The following MACROD2 variants were observed in gnomAD, a reference collection of about 807,000 sequenced individuals.
MACROD2 encodes ADP-ribose glycohydrolase MACROD2.
A neutral mutation model predicts 70.4 loss-of-function variants in MACROD2; 36 were observed. That is an observed-to-expected ratio of 0.51 (90% CI 0.39 to 0.68). The LOEUF (loss-of-function observed/expected upper bound fraction) is 0.68. Ranked by LOEUF, MACROD2 falls within the 30% of genes least tolerant of loss-of-function variation. MACROD2 has a pLI of 0.00. For synonymous variants in MACROD2, 172 were observed against 178.8 expected (o/e 0.96, Z 0.30); for missense variants, 496 against 538.4 (o/e 0.92, Z 0.78).
intron 3 of MACROD2, among the ~76,000 whole-genome samples, chr20:14,481,108 T>C (rs1437664815): frequency 1.3e-5 from 2 of 152,136 alleles, no homozygotes; most frequent in Non-Finnish European, 2.9e-5. Flanking sequence ...TATTTTACTT[T>C]CATTTTGTGT....
At chr20:14,720,586 G>A (rs892277787) in intron 5 of MACROD2, among the ~76,000 whole-genome samples, 33 of 88,104 alleles carry the variant, frequency 3.7e-4, no homozygotes, top group Admixed American at 1.4e-3. Flanking sequence ...GCAGAGTCTC[G>A]CTCTGTTGCC....
chr20:14,882,720 C>A (rs191868878), intron 5 of MACROD2, among the ~76,000 whole-genome samples: 1 of 152,108 alleles, frequency 6.6e-6, no homozygotes, highest in African/African-American at 2.4e-5. Flanking sequence ...GATCAGAGTA[C>A]GGCATTGATT....
intron 2 of MACROD2, among the ~76,000 whole-genome samples, chr20:14,018,567 CTT>C (rs1003653469): frequency 4.6e-5 from 7 of 152,178 alleles, no homozygotes; most frequent in East Asian, 1.9e-4. Flanking sequence ...ATTTTTATCT[CTT>C]AAGTTATTTC....
intron 8 of MACROD2, among the ~76,000 whole-genome samples, chr20:15,835,869 G>A (rs1351298677): frequency 1.3e-5 from 2 of 152,186 alleles, no homozygotes; most frequent in East Asian, 3.8e-4. Context: ...CTGTGCTTGT[G>A]GGGATTAAAT....
chr20:14,542,699 G>T (rs2085448915), intron 4 of MACROD2, among the ~76,000 whole-genome samples: 1 of 152,152 alleles, frequency 6.6e-6, no homozygotes, highest in South Asian at 2.1e-4. Context: ...TTGAAGGATG[G>T]TTAGATTAAT....
chr20:14,070,666 A>G (rs2053825852), intron 2 of MACROD2, among the ~76,000 whole-genome samples: 1 of 152,116 alleles, frequency 6.6e-6, no homozygotes, highest in Non-Finnish European at 1.5e-5. Flanking sequence ...GACTAAACTC[A>G]CTTTTCAGGC....
At chr20:14,752,174 G>C (rs533862521) in intron 5 of MACROD2, among the ~76,000 whole-genome samples, 1 of 150,318 alleles carries the variant, frequency 6.7e-6, no homozygotes, top group African/African-American at 2.5e-5. Flanking sequence ...CTGAAGCAGA[G>C]ATGCTTAAAT....
At chr20:14,546,114 C>A (rs544212087) in intron 4 of MACROD2, among the ~76,000 whole-genome samples, 1 of 152,226 alleles carries the variant, frequency 6.6e-6, no homozygotes, top group South Asian at 2.1e-4. Context: ...GGAATCAGGT[C>A]TCCCTATTAA....
intron 6 of MACROD2, among the ~76,000 whole-genome samples, chr20:15,379,577 T>C (rs78702328): frequency 0.013 from 2,032 of 152,248 alleles, 43 homozygotes; most frequent in African/African-American, 0.042. Context: ...AACCTGGGCA[T>C]AACTCTCACT....
intron 3 of MACROD2, among the ~76,000 whole-genome samples, chr20:14,127,225 A>G (rs1346044809): frequency 1.3e-5 from 2 of 152,206 alleles, no homozygotes; most frequent in Non-Finnish European, 2.9e-5. Flanking sequence ...AGATGATCAA[A>G]TCAGCCACAA....
chr20:14,911,917 G>C (rs900884862), intron 5 of MACROD2, among the ~76,000 whole-genome samples: 1 of 152,128 alleles, frequency 6.6e-6, no homozygotes, highest in South Asian at 2.1e-4. Flanking sequence ...GCAAATGACA[G>C]CACTGGGATT....
intron 3 of MACROD2, among the ~76,000 whole-genome samples, chr20:14,284,557 G>A (rs1029594051): frequency 6.6e-6 from 1 of 152,228 alleles, no homozygotes; most frequent in Non-Finnish European, 1.5e-5. Context: ...AGCTGAATTT[G>A]TATTGGTAAC....
intron 9 of MACROD2, among the ~76,000 whole-genome samples, chr20:15,881,860 G>A (rs1301573381): frequency 6.6e-6 from 1 of 152,110 alleles, no homozygotes; most frequent in Non-Finnish European, 1.5e-5. Flanking sequence ...GAGGTTAGAA[G>A]CAAGATGGAG....
At chr20:14,017,675 A>G (rs938542165) in intron 2 of MACROD2, among the ~76,000 whole-genome samples, 3 of 152,134 alleles carry the variant, frequency 2.0e-5, no homozygotes, top group African/African-American at 7.2e-5. Flanking sequence ...CACGTTGTGT[A>G]TTCCTTTTAA....
At chr20:15,577,967 T>C (rs1232217387) in intron 8 of MACROD2, among the ~76,000 whole-genome samples, 1 of 152,148 alleles carries the variant, frequency 6.6e-6, no homozygotes, top group Non-Finnish European at 1.5e-5. Context: ...TATTGGTGAG[T>C]GAAGCAATGA....
At position 14,072,604 on chromosome 20, in the gene MACROD2, T is replaced by C. The variant is rs180828354; in HGVS notation, c.164-13017T>C. Among the ~76,000 whole-genome samples, 10 of 152,244 alleles carry C rather than the reference T, an allele frequency of 6.6e-5. No homozygotes were observed. The East Asian group carries it at 1.9e-3, about 29-fold the overall frequency. ...ATGTACTATATATGTATGTTTGTTATGAGAATTATAGGAGTTAATATTTGT... is the reference window on the plus strand; with the variant it reads ...ATGTACTATATATGTATGTTTGTTACGAGAATTATAGGAGTTAATATTTGT... On this transcript the variant is annotated intron_variant, in intron 2 of 17. Coordinates refer to ENST00000684519, the MANE Select transcript of MACROD2 (RefSeq NM_001351661.2).
At chr20:14,093,741 A>G (rs2054185128) in intron 3 of MACROD2, among the ~76,000 whole-genome samples, 1 of 152,072 alleles carries the variant, frequency 6.6e-6, no homozygotes, top group South Asian at 2.1e-4. Context: ...TCAGTTAAGA[A>G]CTAGGTTGAA....
At chr20:14,378,699 A>G (rs1431360173) in intron 3 of MACROD2, among the ~76,000 whole-genome samples, 1 of 150,382 alleles carries the variant, frequency 6.6e-6, no homozygotes, top group East Asian at 2.0e-4. Context: ...TAGAAGCATG[A>G]AGGAGTTTGT....
At chr20:14,915,152 A>G (rs1245053874) in intron 5 of MACROD2, among the ~76,000 whole-genome samples, 13 of 152,206 alleles carry the variant, frequency 8.5e-5, no homozygotes, top group Non-Finnish European at 1.3e-4. Flanking sequence ...ATGCATGTGC[A>G]TGTTTGTGTG....
Sources: allele counts gnomAD v4.1 joint callset (sites outside exome capture counted in the v4.1 genomes callset), GRCh38; gene constraint gnomAD v4.1.1; transcripts MANE v1.5; gene names NCBI Gene and HGNC (gene_info 2026-07-23, HGNC 2026-07-21).